The following WDR41 variants were observed in gnomAD, a reference collection of about 807,000 sequenced individuals.
WDR41 encodes the protein WD repeat-containing protein 41.
A neutral mutation model predicts 69.3 loss-of-function variants in WDR41; 63 were observed. The ratio of observed to expected loss-of-function variants is 0.91; its 90% confidence interval spans 0.74 to 1.12. The LOEUF is 1.12. WDR41 is among the 50% of genes most tolerant of loss of function. The pLI is 0.00. For missense variants in WDR41, 543 were observed against 534.5 expected (o/e 1.02, Z -0.16); for synonymous variants, 185 against 192.1 (o/e 0.96, Z 0.31).
At chr5:77,556,167 G>A (rs923664635) in intron 1 of WDR41, among the ~76,000 whole-genome samples, 2 of 142,418 alleles carry the variant, frequency 1.4e-5, no homozygotes, top group Non-Finnish European at 3.0e-5. Flanking sequence ...GCAGTGGTGC[G>A]ATCTCGGCCC....
chr5:77,448,915 A>G (rs1418823863), intron 8 of WDR41, among the ~76,000 whole-genome samples: 1 of 151,850 alleles, frequency 6.6e-6, no homozygotes, highest in Admixed American at 6.6e-5. Flanking sequence ...AACAAAGCCA[A>G]GCCAGGCCTC....
chr5:77,620,522 C>A (rs754639304), exon 1 of WDR41: 2 of 456,154 alleles, frequency 4.4e-6, no homozygotes, highest in South Asian at 3.1e-5. Context: ...TTCATGCATA[C>A]ATAAAGAGAG....
intron 1 of WDR41, among the ~76,000 whole-genome samples, chr5:77,526,322 TA>T (rs1802446595): frequency 6.6e-6 from 1 of 152,124 alleles, no homozygotes; most frequent in South Asian, 2.1e-4. Flanking sequence ...TTTTTTTTTT[TA>T]CTACAATGTG....
At chr5:77,438,214 A>G (rs1256391033) in intron 10 of WDR41, 26 bp downstream of exon 10, 10 of 1,613,188 alleles carry the variant, frequency 6.2e-6, no homozygotes, top group Middle Eastern at 1.7e-4. Context: ...GCTTTCATCT[A>G]TTGCAGAACA....
chr5:77,594,281 G>T (rs1276941375), intron 1 of WDR41, among the ~76,000 whole-genome samples: 2 of 117,852 alleles, frequency 1.7e-5, no homozygotes, highest in Non-Finnish European at 3.4e-5. Flanking sequence ...GGGGGGAGGG[G>T]GGAGGGATAG....
At chr5:77,554,967 C>G (rs1471049750) in intron 1 of WDR41, among the ~76,000 whole-genome samples, 1 of 151,950 alleles carries the variant, frequency 6.6e-6, no homozygotes, top group Admixed American at 6.6e-5. Flanking sequence ...GTGGCATACA[C>G]CTGTAGCCCC....
chr5:77,611,522 A>C (rs1219476607), intron 1 of WDR41, among the ~76,000 whole-genome samples: 1 of 152,246 alleles, frequency 6.6e-6, no homozygotes, highest in African/African-American at 2.4e-5. Flanking sequence ...CCGCTCAACT[A>C]CATGGAAACT....
At position 77,610,211 on chromosome 5, in the gene WDR41, GA is replaced by G. The variant is rs534295874; in HGVS notation, c.42+10267del. Among the ~76,000 whole-genome samples the G allele has an allele frequency of 1.1e-4, 16 of 152,334 alleles. No homozygotes were observed. The East Asian group carries it at 3.1e-3, about 29-fold the overall frequency. ...GTACCTGAAAGTTATGGGGAGAATGGAACCAAGTTGGAAAACACTGCAGGAT... is the reference window on the plus strand; with the variant it reads ...GTACCTGAAAGTTATGGGGAGAATGGACCAAGTTGGAAAACACTGCAGGAT... On this transcript the variant is annotated intron_variant, in intron 1 of 5. Transcript: ENST00000509971.
At position 77,478,230 on chromosome 5, in the gene WDR41, G is replaced by A. The variant is rs184804141; in HGVS notation, c.167+11227C>T. Among the ~76,000 whole-genome samples the A allele has an allele frequency of 4.2e-3, 635 of 152,196 alleles. 2 individuals carry two copies. Among genetic ancestry groups the A allele is most frequent in the Middle Eastern group, 0.034 (10 of 294 alleles). ...TCCAGGACCAGATGGATTCACAGCC[G>A]AATTCTACCAGTGGTACAAGGAGGA... On this transcript the variant is annotated intron_variant, in intron 2 of 12. Coordinates refer to ENST00000296679, the MANE Select transcript of WDR41 (RefSeq NM_018268.4).
chr5:77,553,314 G>T (rs1341397320), intron 1 of WDR41, among the ~76,000 whole-genome samples: 2 of 152,144 alleles, frequency 1.3e-5, no homozygotes, highest in African/African-American at 4.8e-5. Flanking sequence ...CCCTGTTGCT[G>T]CATCCTCTTG....
chr5:77,505,894 G>A (rs1273106414), intron 1 of WDR41, among the ~76,000 whole-genome samples: 1 of 152,168 alleles, frequency 6.6e-6, no homozygotes, highest in East Asian at 1.9e-4. Flanking sequence ...ATTCAAGATG[G>A]ATTAAAGACT....
In WDR41 at chr5:77,529,300, C is replaced by G. The variant is rs533294649; in HGVS notation, c.43-39728G>C. On this transcript the variant is annotated intron_variant, in intron 1 of 5. Coordinates refer to the WDR41 transcript ENST00000509971. ...TATAAAGAACATCAAAAAAAGCAAA[C>G]AAGAATAAATCTAAAAACTTGTAAA... Among the ~76,000 whole-genome samples, 156 of 151,124 alleles carry G rather than the reference C, an allele frequency of 1.0e-3. 1 individual carries two copies. Among genetic ancestry groups the G allele is most frequent in the African/African-American group, 3.6e-3 (147 of 41,392 alleles).
chr5:77,505,726 A>G (rs1802094590), intron 1 of WDR41, among the ~76,000 whole-genome samples: 1 of 152,204 alleles, frequency 6.6e-6, no homozygotes, highest in Non-Finnish European at 1.5e-5. Flanking sequence ...CCTCAGAAAT[A>G]ACACCACACA....
At chr5:77,582,286 G>A (rs2112292499) in intron 1 of WDR41, 2 of 1,275,012 alleles carry the variant, frequency 1.6e-6, no homozygotes, top group Non-Finnish European at 1.1e-6. Context: ...CTCTGGCTCA[G>A]CAAGAAAGTA....
chr5:77,569,099 T>C (rs1743687253), intron 1 of WDR41, among the ~76,000 whole-genome samples: 1 of 152,016 alleles, frequency 6.6e-6, no homozygotes. Flanking sequence ...AATTTAACAT[T>C]AAAAGTCCTG....
chr5:77,563,685 AG>A (rs1743565129), intron 1 of WDR41, among the ~76,000 whole-genome samples: 1 of 152,194 alleles, frequency 6.6e-6, no homozygotes, highest in Non-Finnish European at 1.5e-5. Flanking sequence ...GCAGTGTGCC[AG>A]GACATACTGC....
rs182888669 is a variant in WDR41 at position 77,442,207 on chromosome 5, T to C, written c.698-1210A>G. Among the ~76,000 whole-genome samples, 233 of 152,266 alleles carry C rather than the reference T, an allele frequency of 1.5e-3. 3 individuals are homozygous for C. Among genetic ancestry groups the C allele is most frequent in the African/African-American group, 5.5e-3 (229 of 41,552 alleles). The stretch of plus-strand genomic sequence containing the variant: ...TTCTAGGAATTTATCCTGAAGGAAA[T>C]ACATAAATGTACAAGGTTGTTACAT... On this transcript the variant is annotated intron_variant, in intron 8 of 12. Coordinates refer to ENST00000296679, the MANE Select transcript of WDR41 (RefSeq NM_018268.4).
At chr5:77,611,483 G>C (rs1169963518) in intron 1 of WDR41, among the ~76,000 whole-genome samples, 11 of 152,148 alleles carry the variant, frequency 7.2e-5, no homozygotes, top group African/African-American at 2.4e-4. Flanking sequence ...AATCAAACTA[G>C]AACTCAGGAT....
chr5:77,451,596 CT>C (rs1033910849), intron 6 of WDR41: 77 of 398,054 alleles, frequency 1.9e-4, no homozygotes, highest in Middle Eastern at 7.0e-4. Flanking sequence ...TTTTTTTGTA[CT>C]TTTTTTTACT....
Sources: allele counts gnomAD v4.1 joint callset (sites outside exome capture counted in the v4.1 genomes callset), GRCh38; gene constraint gnomAD v4.1.1; transcripts MANE v1.5; gene names NCBI Gene and HGNC (gene_info 2026-07-23, HGNC 2026-07-21).